The following VPS35L variants were observed in gnomAD, a reference collection of about 807,000 sequenced individuals.
VPS35L encodes the protein VPS35 endosomal protein-sorting factor-like.
Under a neutral mutation model 133.0 loss-of-function variants are expected in VPS35L, and 83 were observed. The ratio of observed to expected loss-of-function variants is 0.62; its 90% CI spans 0.52 to 0.75. VPS35L has a LOEUF of 0.75. Ranked by LOEUF, VPS35L falls within the 30% of genes least tolerant of loss-of-function variation. The pLI, the probability that VPS35L is intolerant of heterozygous loss-of-function variation, is 0.00. For synonymous variants in VPS35L, 423 were observed against 449.9 expected (o/e 0.94, Z 0.76); for missense variants, 1,083 against 1,206.8 (o/e 0.90, Z 1.52).
rs1297260771 is a variant in VPS35L at position 19,573,191 on chromosome 16, A to G, written c.358A>G (p.Lys120Glu). The G allele has an allele frequency of 6.2e-7, 1 of 1,613,988 alleles. No individual in the cohort carries two copies. Among genetic ancestry groups the G allele is most frequent in the African/African-American group, 1.3e-5 (1 of 75,030 alleles). Reference protein sequence around the residue: ...VGSDFEPWTNKRGEILARYTT... With the variant: ...VGSDFEPWTNERGEILARYTT... ...ATCGGATTTTGAGCCTTGGACCAAC[A>G]AACGGGGAGAAATCCTTGCCCGGTA... Residue 120 changes from lysine (K) to glutamate (E), a missense_variant, in exon 4 of 31, where the codon AAA becomes GAA. By Grantham distance (56) the Lys-to-Glu change is moderately conservative (BLOSUM62 1). Transcript: ENST00000417362.
chr16:19,634,417 C>CA (rs57823383), intron 19 of VPS35L, among the ~76,000 whole-genome samples: 3,350 of 104,618 alleles, frequency 0.032, 54 homozygotes, highest in Middle Eastern at 0.049. Context: ...GACACGGTCT[C>CA]AAAAAAAAAA....
chr16:19,621,011 A>G (rs1410765328), intron 14 of VPS35L, among the ~76,000 whole-genome samples: 2 of 152,180 alleles, frequency 1.3e-5, no homozygotes, highest in Middle Eastern at 3.4e-3. Flanking sequence ...AAAAACAGAC[A>G]TCTGTCAGTT....
In VPS35L at chr16:19,674,184, C is replaced by CTTTT. The variant is rs201038834; in HGVS notation, c.2361+4907_2361+4910dup. On this transcript the variant is annotated intron_variant, in intron 27 of 30. Transcript: ENST00000417362. ...TACCTGGTTCAGTTTTTTTCTTTTT[C>CTTTT]TTTTTTTTTTTTTTTTTTTTTTTTT... Among the ~76,000 whole-genome samples, 524 of 70,886 alleles carry CTTTT rather than the reference C, an allele frequency of 7.4e-3. 13 individuals carry two copies. The highest frequency in any genetic ancestry group is 0.019 in the African/African-American group (300 of 16,000). 46.5% of individuals were successfully genotyped at this position (70,886 alleles called of 152,430 possible). A position where few individuals can be genotyped will look rare whatever the true frequency, so the allele number is the denominator to read the frequency against.
intron 29 of VPS35L, among the ~76,000 whole-genome samples, chr16:19,694,720 C>T (rs1442490168): frequency 6.6e-6 from 1 of 152,104 alleles, no homozygotes; most frequent in East Asian, 1.9e-4. Flanking sequence ...AAATACTGAG[C>T]TTGGCCGGGC....
intron 23 of VPS35L, among the ~76,000 whole-genome samples, chr16:19,646,508 A>G (rs1385158208): frequency 6.6e-6 from 1 of 152,066 alleles, no homozygotes; most frequent in Non-Finnish European, 1.5e-5. Flanking sequence ...TCTGCTAAAA[A>G]TACAAAATTA....
intron 2 of VPS35L, among the ~76,000 whole-genome samples, chr16:19,567,357 G>C (rs1401782842): frequency 6.6e-6 from 1 of 152,160 alleles, no homozygotes; most frequent in African/African-American, 2.4e-5. Flanking sequence ...CCCTGAACCA[G>C]CATTGGTGAC....
At chr16:19,607,497 A>G (rs73535611) in intron 9 of VPS35L, among the ~76,000 whole-genome samples, 1 of 152,218 alleles carries the variant, frequency 6.6e-6, no homozygotes, top group South Asian at 2.1e-4. Context: ...CTGCAGGAAA[A>G]TGCGAGTTCT....
At chr16:19,698,947 C>T (rs532083636) in intron 29 of VPS35L, among the ~76,000 whole-genome samples, 2 of 152,244 alleles carry the variant, frequency 1.3e-5, no homozygotes, top group South Asian at 2.1e-4. Context: ...TGGCAAGATA[C>T]CTCTCACATC....
chr16:19,611,536 C>T (rs919659268), intron 12 of VPS35L, among the ~76,000 whole-genome samples: 3 of 152,136 alleles, frequency 2.0e-5, no homozygotes, highest in Non-Finnish European at 4.4e-5. Context: ...CTGTGATTTG[C>T]CTCTTCTGCA....
chr16:19,559,841 C>T (rs1052642679), intron 1 of VPS35L, among the ~76,000 whole-genome samples: 2 of 152,012 alleles, frequency 1.3e-5, no homozygotes, highest in African/African-American at 4.8e-5. Flanking sequence ...TGTGTGTGAC[C>T]ATGCCTGGCT....
Position 19,616,754 on chromosome 16 carries a change from G to C in VPS35L, c.1170G>C (p.Leu390Phe). 6.2e-7 allele frequency: 1 copy of C among 1,614,090 alleles called. No homozygotes were observed. The highest frequency in any genetic ancestry group is 8.5e-7 in the Non-Finnish European group (1 of 1,180,006). The change falls in exon 14 of 31, where the codon TTG becomes TTC. Residue 390 changes from leucine to phenylalanine, a missense_variant. Leu to Phe is a conservative substitution (Grantham distance 22). Transcript: ENST00000417362. ...QGVELPSYLP[L>F]YPPAMDWIFQ... The stretch of plus-strand genomic sequence containing the variant: ...TGGAGCTCCCATCTTACCTCCCCTT[G>C]TACCCGCCTGCCATGGACTGGATCT...
intron 14 of VPS35L, chr16:19,617,186 T>C (rs962434701): frequency 1.9e-6 from 1 of 521,632 alleles, no homozygotes; most frequent in Non-Finnish European, 3.4e-6. Context: ...CAAAACTCCA[T>C]CTCTACAAAA....
intron 15 of VPS35L, 91 bp from the exon 16 acceptor site, chr16:19,627,603 T>C (rs1973308759): frequency 2.0e-6 from 2 of 1,011,420 alleles, no homozygotes; most frequent in Middle Eastern, 2.1e-4. Flanking sequence ...TAAAGAGCTG[T>C]TAGTCTTCCT....
chr16:19,700,541 C>A lies in VPS35L; in HGVS notation c.*65C>A, dbSNP rs116582019. On this transcript the variant is annotated 3_prime_UTR_variant, in exon 31 of 31. Transcript: ENST00000417362. Reference sequence around the variant, plus strand: ...AATCCAGAAAGATCTGCTCTGCTGCCCTGAACTCTTACGGCAATTTAGGTT... The same window carrying A: ...AATCCAGAAAGATCTGCTCTGCTGCACTGAACTCTTACGGCAATTTAGGTT... The A allele has an allele frequency of 7.0e-4, 937 of 1,334,092 alleles. 4 individuals are homozygous for A. In the African/African-American group the frequency reaches 0.012, roughly 17 times the overall value. 82.6% of individuals were successfully genotyped at this position (1,334,092 alleles called of 1,614,324 possible). A position where few individuals can be genotyped will look rare whatever the true frequency, so the allele number is the denominator to read the frequency against.
intron 7 of VPS35L, among the ~76,000 whole-genome samples, chr16:19,588,187 G>GTATGTATGTATGTATT (rs1555498177): frequency 6.7e-5 from 10 of 149,976 alleles, no homozygotes; most frequent in African/African-American, 2.2e-4. Context: ...ATGTATGTAT[G>GTATGTATGTATGTATT]TATTTATTTA....
chr16:19,670,847 C>T (rs967114050), intron 27 of VPS35L, among the ~76,000 whole-genome samples: 2 of 152,144 alleles, frequency 1.3e-5, no homozygotes, highest in African/African-American at 4.8e-5. Flanking sequence ...TTTAACAAAC[C>T]TCTGAGTGAA....
chr16:19,691,269 T>C (rs1265207402), intron 28 of VPS35L, 84 bp from the exon 29 acceptor site: 20 of 1,079,808 alleles, frequency 1.9e-5, no homozygotes, highest in Non-Finnish European at 2.8e-5. Context: ...GCTGACTCGG[T>C]GTGACATGAC....
intron 17 of VPS35L, 95 bp downstream of exon 17, chr16:19,628,848 A>G (rs541489741): frequency 1.7e-5 from 8 of 483,026 alleles, no homozygotes; most frequent in South Asian, 1.6e-4. Flanking sequence ...CTAGAGTGCA[A>G]TGGCGCCATC....
chr16:19,596,268 G>GA (rs888726197), intron 8 of VPS35L, among the ~76,000 whole-genome samples: 2 of 129,164 alleles, frequency 1.5e-5, no homozygotes, highest in Non-Finnish European at 3.2e-5. Flanking sequence ...GCTTATGGGG[G>GA]AATGCATATA....
Sources: gnomAD v4.1 joint callset for allele counts (sites outside exome capture counted in the v4.1 genomes callset) on GRCh38, gnomAD v4.1.1 for gene constraint, MANE v1.5 for transcripts, NCBI Gene and HGNC (gene_info 2026-07-23, HGNC 2026-07-21) for gene names.